The following PHF19 variants were observed in gnomAD, a reference collection of about 807,000 sequenced individuals.
The protein encoded by PHF19 is polycomb like 3.
PHF19 carries 21 observed loss-of-function variants against 79.8 expected under a neutral mutation model. The observed-to-expected ratio is 0.26, with a 90% confidence interval of 0.19 to 0.38. The LOEUF (loss-of-function observed/expected upper bound fraction) is 0.38, where lower values mean the gene tolerates loss of function less well. Ranked by LOEUF, PHF19 falls within the 10% of genes least tolerant of loss-of-function variation. The probability of loss-of-function intolerance (pLI) is 1.00; values close to 1 mark genes in which losing one functional copy is unlikely to be tolerated. For missense variants in PHF19, 445 were observed against 744.2 expected (o/e 0.60, Z 4.68); for synonymous variants, 273 against 296.3 (o/e 0.92, Z 0.81).
At chr9:120,882,936 A>G (rs2046209271) in intron 1 of PHF19, among the ~76,000 whole-genome samples, 1 of 151,994 alleles carries the variant, frequency 6.6e-6, no homozygotes, top group African/African-American at 2.4e-5. Flanking sequence ...GGAAGTAATT[A>G]TTATGCAGGT....
chr9:120,877,473 G>T, upstream of PHF19: 1 of 525,298 alleles, frequency 1.9e-6, no homozygotes, highest in Non-Finnish European at 2.4e-6. Flanking sequence ...CGCATCCTCC[G>T]CGGCCACTAG....
upstream of PHF19, among the ~76,000 whole-genome samples, chr9:120,897,774 T>G (rs933887871): frequency 4.6e-5 from 7 of 151,916 alleles, no homozygotes; most frequent in African/African-American, 1.5e-4. Context: ...AGGTCAGGAT[T>G]TCGAGACCAG....
At chr9:120,867,238 T>C (rs1240477700) in intron 6 of PHF19, among the ~76,000 whole-genome samples, 1 of 152,202 alleles carries the variant, frequency 6.6e-6, no homozygotes, top group Non-Finnish European at 1.5e-5. Context: ...AAGTGGAGGA[T>C]GGTGATTCAA....
intron 1 of PHF19, among the ~76,000 whole-genome samples, chr9:120,885,590 A>C (rs1238033618): frequency 6.6e-6 from 1 of 151,654 alleles, no homozygotes; most frequent in African/African-American, 2.4e-5. Context: ...AAAAAAAAAA[A>C]AAAAAACAAA....
In PHF19 at chr9:120,866,808, G is replaced by A. The variant is rs1234196064; in HGVS notation, c.710+62C>T. ...TGGCAGTCAACCTGCAGGAGTTGTT[G>A]CTGCCATCCCTGCCCTCTCCCCACC... On this transcript the variant is annotated intron_variant, in intron 7 of 14. Coordinates refer to ENST00000373896, the MANE Select transcript of PHF19 (RefSeq NM_015651.3). This position sits in a 1 kb window ranked among gnomAD's most constrained non-coding sequence, Gnocchi z 5.2. The A allele has an allele frequency of 1.1e-6, 1 of 872,148 alleles. No homozygotes were observed. The highest frequency in any genetic ancestry group is 1.7e-5 in the Admixed American group (1 of 57,448). 54.0% of individuals were successfully genotyped at this position (872,148 alleles called of 1,614,324 possible). A position where few individuals can be genotyped will look rare whatever the true frequency, so the allele number is the denominator to read the frequency against.
chr9:120,885,088 T>A (rs181940169), intron 1 of PHF19, among the ~76,000 whole-genome samples: 1 of 152,126 alleles, frequency 6.6e-6, no homozygotes, highest in East Asian at 1.9e-4. Context: ...GGTGGTGACA[T>A]GCACCTGCAG....
At chr9:120,901,367 G>T in the PHF19 span, among the ~76,000 whole-genome samples, 1 of 151,796 alleles carries the variant, frequency 6.6e-6, no homozygotes, top group East Asian at 1.9e-4. Context: ...TATTTTTTTT[G>T]TATTTTTAGT....
Position 120,877,088 on chromosome 9 carries a change from C to A in PHF19, c.-16+3G>T. ...GGAGTCCGCCCAACAGCGCAGAACT[C>A]ACCGCGAGGCTGCGTGTCCGCCGGT... On this transcript the variant is annotated splice_donor_region_variant and intron_variant, in intron 1 of 14. Coordinates refer to ENST00000373896, the MANE Select transcript of PHF19 (RefSeq NM_015651.3). 3.0e-6 allele frequency: 3 copies of A among 985,336 alleles called. No individual in the cohort carries two copies. The highest frequency in any genetic ancestry group is 3.6e-6 in the Non-Finnish European group (3 of 829,902). 61.0% of individuals were successfully genotyped at this position (985,336 alleles called of 1,614,324 possible).
At chr9:120,858,309 A>C in intron 14 of PHF19, 23 bp from the exon 15 acceptor site, 1 of 1,494,858 alleles carries the variant, frequency 6.7e-7, no homozygotes, top group African/African-American at 1.4e-5. Flanking sequence ...TGGGAGAGGA[A>C]GATGATGAGA....
chr9:120,888,292 A>G lies in PHF19; in HGVS notation c.42+6496T>C, dbSNP rs535342542. On this transcript the variant is annotated intron_variant, in intron 1 of 14. Transcript: ENST00000616568. ...CGCCTGGCCCAGCCTCCTTCTTCAC[A>G]CTCATGACCCTTAAAAGGCTAGAAG... is the stretch of plus-strand genomic sequence containing the variant. 1.0e-3 allele frequency among the ~76,000 whole-genome samples: 157 copies of G among 151,828 alleles called. 2 individuals are homozygous for G. The highest frequency in any genetic ancestry group is 1.3e-4 in the Non-Finnish European group (9 of 67,928).
At chr9:120,901,873 T>G in the PHF19 span, among the ~76,000 whole-genome samples, 1 of 152,058 alleles carries the variant, frequency 6.6e-6, no homozygotes, top group Non-Finnish European at 1.5e-5. Flanking sequence ...ACTGACAAGG[T>G]GGGTGGAGGC....
chr9:120,873,125 C>A (rs992279524), intron 3 of PHF19, among the ~76,000 whole-genome samples: 1 of 152,200 alleles, frequency 6.6e-6, no homozygotes, highest in African/African-American at 2.4e-5. Context: ...GGAACTTGGT[C>A]CAAGGTCTAC....
At chr9:120,867,007 C>G in intron 6 of PHF19, 42 bp from the exon 7 acceptor site, 1 of 1,193,124 alleles carries the variant, frequency 8.4e-7, no homozygotes, top group Non-Finnish European at 1.3e-6. Context: ...GACCACACCC[C>G]CAGTCAGGTA....
chr9:120,894,806 A>G, exon 1 of PHF19: 2 of 1,230,538 alleles, frequency 1.6e-6, no homozygotes, highest in Non-Finnish European at 2.0e-6. Context: ...TGGGATAGGG[A>G]CCACGGATTA....
the PHF19 span, among the ~76,000 whole-genome samples, chr9:120,901,181 C>A: frequency 6.9e-6 from 1 of 145,804 alleles, no homozygotes; most frequent in Admixed American, 7.2e-5. Context: ...AAACTGGAAG[C>A]AAATACCTGA....
chr9:120,862,117 C>T lies in PHF19; in HGVS notation c.1131-112G>A. On this transcript the variant is annotated intron_variant, in intron 11 of 14. Coordinates refer to ENST00000373896, the MANE Select transcript of PHF19 (RefSeq NM_015651.3). The surrounding 1 kb of genome is among the most constrained non-coding windows in gnomAD (Gnocchi z 4.6). Reference sequence around the variant, plus strand: ...GTCACAGCAGTTGGGGAGACAGGCTCTGAACACAGCTGCACCTTCACAGGG... The same window carrying T: ...GTCACAGCAGTTGGGGAGACAGGCTTTGAACACAGCTGCACCTTCACAGGG... The T allele has an allele frequency of 3.9e-6, 3 of 776,154 alleles. No individual in the cohort carries two copies. The highest frequency in any genetic ancestry group is 1.4e-5 in the South Asian group (1 of 73,636). 48.1% of individuals were successfully genotyped at this position (776,154 alleles called of 1,614,324 possible). A position where few individuals can be genotyped will look rare whatever the true frequency, so the allele number is the denominator to read the frequency against.
In PHF19 at chr9:120,862,833, T is replaced by C; in HGVS notation, c.969-84A>G. On this transcript the variant is annotated intron_variant, in intron 10 of 14. Coordinates refer to ENST00000373896, the MANE Select transcript of PHF19 (RefSeq NM_015651.3). This position sits in a 1 kb window ranked among gnomAD's most constrained non-coding sequence, Gnocchi z 4.6. ...AGTGGGGTCAAGCATGACACAAGCC[T>C]CTCTGCCTCCTTGGACCCAGAGCTA... 7.7e-7 allele frequency: 1 copy of C among 1,296,720 alleles called. No homozygotes were observed. Among genetic ancestry groups the C allele is most frequent in the Non-Finnish European group, 1.1e-6 (1 of 902,822 alleles). The allele number at this position is 1,296,720 out of a possible 1,614,324, so 80.3% of individuals were successfully genotyped here. A position where few individuals can be genotyped will look rare whatever the true frequency, so the allele number is the denominator to read the frequency against.
Position 120,870,588 on chromosome 9 carries a change from T to A in PHF19, c.269-50A>T. 2.8e-6 allele frequency: 3 copies of A among 1,077,104 alleles called. No homozygotes were observed. Among genetic ancestry groups the A allele is most frequent in the Non-Finnish European group, 4.3e-6 (3 of 690,582 alleles). 66.7% of individuals were successfully genotyped at this position (1,077,104 alleles called of 1,614,324 possible). ...GGGTCCAGCTCACAGGAATGGAAGT[T>A]TTATACTCACATTCCAGATGCCCAG... On this transcript the variant is annotated intron_variant, in intron 3 of 14. Transcript: ENST00000373896. The surrounding 1 kb of genome is among the most constrained non-coding windows in gnomAD (Gnocchi z 4.4).
In PHF19 at chr9:120,869,897, G is replaced by A; in HGVS notation, c.413C>T (p.Pro138Leu). ...TCGGCAGAACCAAGGTGTGAGCAGG[G>A]GCTGGTCAGCACTGCCCGCTATGGG... ...HIPIAGSADQ[P>L]LLTPWFCRRC... Residue 138 changes from proline (P) to leucine (L), a missense_variant, in exon 5 of 15, where the codon CCC becomes CTC. This residue lies in a region of PHF19 where 167 missense variants were observed against 375.8 expected (regional missense o/e 0.44). Coordinates refer to ENST00000373896, the MANE Select transcript of PHF19 (RefSeq NM_015651.3). The surrounding 1 kb of genome is among the most constrained non-coding windows in gnomAD (Gnocchi z 5.8). 2 of 1,602,846 alleles carry A rather than the reference G, an allele frequency of 1.2e-6. No homozygotes were observed. Among genetic ancestry groups the A allele is most frequent in the Non-Finnish European group, 1.7e-6 (2 of 1,175,012 alleles).
Sources: allele counts gnomAD v4.1 joint callset (sites outside exome capture counted in the v4.1 genomes callset), GRCh38; gene constraint gnomAD v4.1.1; regional missense constraint gnomAD v4.1.1; non-coding constraint Gnocchi (gnomAD v3.1); transcripts MANE v1.5; gene names NCBI Gene and HGNC (gene_info 2026-07-23, HGNC 2026-07-21).